OSBPL9: variants seen among roughly 807,000 people sequenced by gnomAD.
OSBPL9 encodes the protein oxysterol binding protein like 9, also known as oxysterol-binding protein-related protein 9.
OSBPL9 carries 40 observed loss-of-function variants against 106.6 expected under a neutral mutation model. The ratio of observed to expected loss-of-function variants is 0.38; its 90% CI spans 0.29 to 0.49. OSBPL9 has a LOEUF of 0.49. OSBPL9 is among the 20% of genes least tolerant of loss of function. The probability of loss-of-function intolerance (pLI) is 0.97; values close to 1 mark genes in which losing one functional copy is unlikely to be tolerated. For synonymous variants in OSBPL9, 269 were observed against 295.4 expected (o/e 0.91, Z 0.92); for missense variants, 609 against 887.2 (o/e 0.69, Z 3.98).
intron 14 of OSBPL9, among the ~76,000 whole-genome samples, chr1:51,774,864 GA>G (rs1198252222): frequency 1.4e-4 from 22 of 152,006 alleles, no homozygotes; most frequent in Admixed American, 1.4e-3. Flanking sequence ...CTAAGTAGAA[GA>G]AAAAAATATT....
the OSBPL9 span, among the ~76,000 whole-genome samples, chr1:51,559,863 A>C: frequency 1.0e-4 from 11 of 108,776 alleles, no homozygotes; most frequent in African/African-American, 7.5e-4. Context: ...GACAACTGTA[A>C]AAAAAAAATA....
chr1:51,631,242 T>A (rs531351679), intron 1 of OSBPL9, among the ~76,000 whole-genome samples: 4 of 152,036 alleles, frequency 2.6e-5, no homozygotes, highest in Non-Finnish European at 4.4e-5. Context: ...TGAAAAGATA[T>A]CTCAAAAAGG....
intron 1 of OSBPL9, among the ~76,000 whole-genome samples, chr1:51,633,201 C>T (rs1222524451): frequency 6.6e-6 from 1 of 151,766 alleles, no homozygotes; most frequent in African/African-American, 2.4e-5. Context: ...TCAGGCGATC[C>T]ACCCGCCTTG....
At chr1:51,593,287 CAACTT>C (rs1557578505) in intron 1 of OSBPL9, among the ~76,000 whole-genome samples, 1 of 152,170 alleles carries the variant, frequency 6.6e-6, no homozygotes, top group Non-Finnish European at 1.5e-5. Flanking sequence ...TCTCCAAACT[CAACTT>C]CAGTCAGCCT....
chr1:51,596,214 C>A (rs546382871), intron 1 of OSBPL9, among the ~76,000 whole-genome samples: 1 of 143,680 alleles, frequency 7.0e-6, no homozygotes, highest in East Asian at 2.1e-4. Context: ...AGCCAAGATT[C>A]TGCTACTGCA....
chr1:51,598,372 G>A (rs1645312799), intron 2 of OSBPL9, among the ~76,000 whole-genome samples: 1 of 152,276 alleles, frequency 6.6e-6, no homozygotes, highest in Admixed American at 6.5e-5. Context: ...AACTGGAGGA[G>A]TTTGGATTTA....
rs910587989 is a variant in OSBPL9, at chr1:51,662,980, A to G, written c.163-6454A>G. Among the ~76,000 whole-genome samples the G allele has an allele frequency of 3.9e-5, 6 of 152,082 alleles. No individual in the cohort carries two copies. The East Asian group carries it at 5.8e-4, about 15-fold the overall frequency. On this transcript the variant is annotated intron_variant, in intron 2 of 23. Coordinates refer to ENST00000428468, the MANE Select transcript of OSBPL9 (RefSeq NM_024586.6). ...AGGATGGTCTTGATCACCTGACCTC[A>G]TGATCTGCCCGCCTTGGCCTCCCAA...
the OSBPL9 span, among the ~76,000 whole-genome samples, chr1:51,535,329 A>G: frequency 7.1e-3 from 1,078 of 152,282 alleles, 8 homozygotes; most frequent in African/African-American, 0.025. Context: ...AGGCCCTTAC[A>G]GGATGTCTGA....
intron 9 of OSBPL9, among the ~76,000 whole-genome samples, chr1:51,758,522 C>G (rs72900008): frequency 0.12 from 18,883 of 151,540 alleles, 1,281 homozygotes; most frequent in Middle Eastern, 0.22. Flanking sequence ...TTGGTTTGGT[C>G]TAATCTGTTG....
At chr1:51,585,370 A>G (rs1464514958) in intron 1 of OSBPL9, among the ~76,000 whole-genome samples, 1 of 152,206 alleles carries the variant, frequency 6.6e-6, no homozygotes, top group Non-Finnish European at 1.5e-5. Context: ...TAGGAAAATA[A>G]TAATTACTTT....
At chr1:51,559,425 A>C in the OSBPL9 span, among the ~76,000 whole-genome samples, 1 of 135,618 alleles carries the variant, frequency 7.4e-6, no homozygotes, top group African/African-American at 3.0e-5. Flanking sequence ...TTTAAAATAC[A>C]GACACACACA....
intron 1 of OSBPL9, among the ~76,000 whole-genome samples, chr1:51,635,044 G>GT (rs1228942892): frequency 3.9e-5 from 6 of 152,192 alleles, no homozygotes; most frequent in African/African-American, 1.4e-4. Flanking sequence ...TGAGATTTGG[G>GT]TGGAGACACA....
intron 1 of OSBPL9, among the ~76,000 whole-genome samples, chr1:51,638,958 A>G (rs1645613056): frequency 6.6e-6 from 1 of 152,126 alleles, no homozygotes. Flanking sequence ...AAAAAAAACT[A>G]CAGGAGTGAG....
the OSBPL9 span, among the ~76,000 whole-genome samples, chr1:51,564,931 C>T: frequency 6.6e-6 from 1 of 152,214 alleles, no homozygotes; most frequent in South Asian, 2.1e-4. Context: ...TCTTCCTACC[C>T]TAAGCCTGCC....
intron 1 of OSBPL9, among the ~76,000 whole-genome samples, chr1:51,628,993 C>G (rs2148647606): frequency 1.3e-5 from 2 of 152,244 alleles, no homozygotes; most frequent in Middle Eastern, 3.4e-3. Context: ...TTAACACTCT[C>G]TATTCACTTG....
At chr1:51,617,035 GGCC>G, upstream of OSBPL9, 1 of 833,606 alleles carries the variant, frequency 1.2e-6, no homozygotes, top group Non-Finnish European at 1.7e-6. Flanking sequence ...CGCCCCCTGC[GGCC>G]CCGCCCCCCG....
intron 1 of OSBPL9, among the ~76,000 whole-genome samples, chr1:51,587,829 C>A (rs923290149): frequency 6.6e-6 from 1 of 152,216 alleles, no homozygotes; most frequent in Non-Finnish European, 1.5e-5. Context: ...TTCCTCAGCT[C>A]CCCTCTACCC....
chr1:51,728,667 C>T (rs1299514498), intron 4 of OSBPL9, among the ~76,000 whole-genome samples: 1 of 152,050 alleles, frequency 6.6e-6, no homozygotes, highest in Non-Finnish European at 1.5e-5. Flanking sequence ...ACACTGAGTC[C>T]AGCAGGTTAG....
intron 22 of OSBPL9, 120 bp from the exon 23 acceptor site, chr1:51,787,233 A>C: frequency 1.1e-6 from 1 of 936,868 alleles, no homozygotes; most frequent in Non-Finnish European, 1.7e-6. Context: ...TGCCAGCGTA[A>C]GGAGATTTAG....
Sources: allele counts gnomAD v4.1 joint callset (sites outside exome capture counted in the v4.1 genomes callset), GRCh38; gene constraint gnomAD v4.1.1; transcripts MANE v1.5; gene names NCBI Gene and HGNC (gene_info 2026-07-23, HGNC 2026-07-21).